Variants in SPOCK3 observed in about 807,000 individuals in gnomAD.
SPOCK3 encodes the protein SPARC (osteonectin), cwcv and kazal like domains proteoglycan 3, also known as testican-3.
Under a neutral mutation model 56.6 loss-of-function variants are expected in SPOCK3, and 30 were observed. The ratio of observed to expected loss-of-function variants is 0.53; its 90% confidence interval spans 0.40 to 0.72. The LOEUF (loss-of-function observed/expected upper bound fraction) is 0.72, where lower values mean the gene tolerates loss of function less well. Among genes scored for constraint, SPOCK3 ranks in the 30% least tolerant of loss-of-function variants. SPOCK3 has a pLI of 0.00. For synonymous variants in SPOCK3, 196 were observed against 183.3 expected (o/e 1.07, Z -0.56); for missense variants, 527 against 530.0 (o/e 0.99, Z 0.06).
intron 4 of SPOCK3, among the ~76,000 whole-genome samples, chr4:166,938,868 A>G (rs1354438802): frequency 1.3e-5 from 2 of 152,112 alleles, no homozygotes; most frequent in East Asian, 1.9e-4. Flanking sequence ...AAAGACAAAT[A>G]TATCAGTGGT....
At chr4:167,017,768 T>A (rs1020213877) in intron 3 of SPOCK3, among the ~76,000 whole-genome samples, 1 of 152,090 alleles carries the variant, frequency 6.6e-6, no homozygotes, top group African/African-American at 2.4e-5. Flanking sequence ...GTTAGCTATT[T>A]TGATAGCAAT....
At chr4:166,941,754 G>A (rs1167956676) in intron 4 of SPOCK3, among the ~76,000 whole-genome samples, 1 of 152,182 alleles carries the variant, frequency 6.6e-6, no homozygotes, top group Non-Finnish European at 1.5e-5. Context: ...TCGCACTGAG[G>A]AGCAAGCTGC....
chr4:166,843,417 T>G (rs1374986337), intron 6 of SPOCK3, among the ~76,000 whole-genome samples: 1 of 152,248 alleles, frequency 6.6e-6, no homozygotes, highest in Non-Finnish European at 1.5e-5. Flanking sequence ...ATCAGCTGAC[T>G]GTGAGTTAAT....
chr4:167,037,498 A>G (rs1350207223), intron 3 of SPOCK3, among the ~76,000 whole-genome samples: 1,851 of 151,286 alleles, frequency 0.012, 19 homozygotes, highest in Non-Finnish European at 0.019. Flanking sequence ...GAAGAAGAAA[A>G]AAAAAAAAAA....
intron 6 of SPOCK3, among the ~76,000 whole-genome samples, chr4:166,864,762 AC>A (rs1731614551): frequency 6.6e-6 from 1 of 152,110 alleles, no homozygotes; most frequent in Non-Finnish European, 1.5e-5. Flanking sequence ...TAGACCAATA[AC>A]AAGTTCTGAA....
intron 2 of SPOCK3, among the ~76,000 whole-genome samples, chr4:167,223,661 A>G (rs930016275): frequency 6.6e-6 from 1 of 151,996 alleles, no homozygotes; most frequent in Non-Finnish European, 1.5e-5. Flanking sequence ...ATACATTTTT[A>G]AAAACTAGTC....
At chr4:167,232,125 AG>A (rs1346581783) in intron 2 of SPOCK3, among the ~76,000 whole-genome samples, 1 of 152,138 alleles carries the variant, frequency 6.6e-6, no homozygotes, top group African/African-American at 2.4e-5. Context: ...TTAGCTCTAT[AG>A]TAGGCAACTC....
chr4:167,080,320 G>A (rs1757593880), intron 2 of SPOCK3, among the ~76,000 whole-genome samples: 1 of 152,064 alleles, frequency 6.6e-6, no homozygotes, highest in African/African-American at 2.4e-5. Flanking sequence ...AATGCCACTT[G>A]CAAACAAGTT....
intron 6 of SPOCK3, among the ~76,000 whole-genome samples, chr4:166,856,811 G>T (rs867850605): frequency 6.1e-4 from 51 of 83,486 alleles, no homozygotes; most frequent in South Asian, 1.6e-3. Context: ...TATCTATCTA[G>T]ATATCTAGAT....
At chr4:166,793,638 G>A (rs566931440) in intron 6 of SPOCK3, among the ~76,000 whole-genome samples, 25 of 152,076 alleles carry the variant, frequency 1.6e-4, no homozygotes, top group Non-Finnish European at 2.9e-4. Context: ...GACCAAATTA[G>A]CCAATCATTG....
At chr4:167,053,412 C>G (rs951577296) in intron 3 of SPOCK3, among the ~76,000 whole-genome samples, 1 of 152,064 alleles carries the variant, frequency 6.6e-6, no homozygotes, top group Non-Finnish European at 1.5e-5. Context: ...CTTGGCCACA[C>G]GCTGTGGCTC....
intron 2 of SPOCK3, among the ~76,000 whole-genome samples, chr4:167,198,051 C>T (rs1037759917): frequency 6.6e-6 from 1 of 152,100 alleles, no homozygotes; most frequent in Non-Finnish European, 1.5e-5. Flanking sequence ...TATAAAAAAT[C>T]TATGTCCATG....
intron 6 of SPOCK3, among the ~76,000 whole-genome samples, chr4:166,843,544 G>A (rs1033262568): frequency 6.6e-6 from 1 of 152,112 alleles, no homozygotes; most frequent in Non-Finnish European, 1.5e-5. Flanking sequence ...GAAAAAATAA[G>A]CCACCATGAA....
intron 3 of SPOCK3, among the ~76,000 whole-genome samples, chr4:167,008,206 A>T (rs970972527): frequency 6.6e-6 from 1 of 152,054 alleles, no homozygotes; most frequent in Non-Finnish European, 1.5e-5. Flanking sequence ...GGTCTAAAAA[A>T]ATGTACTAGA....
chr4:167,209,373 G>A (rs941551066), intron 2 of SPOCK3, among the ~76,000 whole-genome samples: 9 of 151,946 alleles, frequency 5.9e-5, no homozygotes, highest in Admixed American at 6.6e-5. Context: ...GTACTAGAAT[G>A]GAACAAAATG....
At chr4:167,038,466 G>C (rs1031204653) in intron 3 of SPOCK3, among the ~76,000 whole-genome samples, 2 of 151,958 alleles carry the variant, frequency 1.3e-5, no homozygotes, top group African/African-American at 4.8e-5. Context: ...AAAAAAGAGA[G>C]CTTCTCATTC....
At chr4:167,222,124 T>C (rs538347136) in intron 2 of SPOCK3, among the ~76,000 whole-genome samples, 5 of 152,156 alleles carry the variant, frequency 3.3e-5, no homozygotes, top group Admixed American at 6.6e-5. Context: ...ATTCAGTCTT[T>C]TAAGAAAAAG....
chr4:166,864,690 A>C lies in SPOCK3; in HGVS notation c.589+24440T>G, dbSNP rs189108731. Among the ~76,000 whole-genome samples, 808 of 152,152 alleles carry C rather than the reference A, an allele frequency of 5.3e-3. 2 individuals are homozygous for C. The highest frequency in any genetic ancestry group is 7.7e-3 in the Non-Finnish European group (520 of 67,960). ...TAAACGAGAAAATCTAGAAGAAATG[A>C]ATAAATTCCTGCACACATACAACCT... On this transcript the variant is annotated intron_variant, in intron 6 of 10. Coordinates refer to ENST00000357545, the MANE Select transcript of SPOCK3 (RefSeq NM_001040159.2).
intron 2 of SPOCK3, among the ~76,000 whole-genome samples, chr4:167,105,684 T>C (rs954453210): frequency 7.9e-5 from 12 of 150,992 alleles, no homozygotes; most frequent in Non-Finnish European, 1.5e-4. Context: ...TTAAAAGATA[T>C]AGAATGGCTG....
Sources: gnomAD v4.1 joint callset for allele counts (sites outside exome capture counted in the v4.1 genomes callset) on GRCh38, gnomAD v4.1.1 for gene constraint, MANE v1.5 for transcripts, NCBI Gene and HGNC (gene_info 2026-07-23, HGNC 2026-07-21) for gene names.